UNC13D: variants seen among roughly 807,000 people sequenced by gnomAD.
The protein encoded by UNC13D is unc-13 homolog D.
A neutral mutation model predicts 151.7 loss-of-function variants in UNC13D; 115 were observed. That is an observed-to-expected ratio of 0.76 (90% CI 0.65 to 0.88). UNC13D has a LOEUF of 0.88. UNC13D is among the 40% of genes least tolerant of loss of function. The pLI is 0.00. For missense variants in UNC13D, 1,369 were observed against 1,438.7 expected (o/e 0.95, Z 0.78); for synonymous variants, 588 against 612.2 (o/e 0.96, Z 0.58).
chr17:75,830,707 C>T (rs746503103), intron 27 of UNC13D, 46 bp from the exon 28 acceptor site: 3 of 1,549,446 alleles, frequency 1.9e-6, no homozygotes, highest in Non-Finnish European at 8.7e-7. Context: ...GCACGCCCAA[C>T]CACAGCCCAG....
chr17:75,844,159 C>A, intron 1 of UNC13D, 62 bp downstream of exon 1: 1 of 1,589,238 alleles, frequency 6.3e-7, no homozygotes, highest in Admixed American at 1.7e-5. Context: ...CAGCAGGGCA[C>A]CCGTACCCGA....
At position 75,827,804 on chromosome 17, in the gene UNC13D, G is replaced by C; in HGVS notation, c.*161C>G. On this transcript the variant is annotated 3_prime_UTR_variant, in exon 32 of 32. Transcript: ENST00000207549. ...TCGCTGCTGAGCCCCCATCACCATGGGAGGCAGGGGAGGTCTGCACTCTGG... is the reference window on the plus strand; with the variant it reads ...TCGCTGCTGAGCCCCCATCACCATGCGAGGCAGGGGAGGTCTGCACTCTGG... 4.7e-6 allele frequency: 7 copies of C among 1,483,038 alleles called. No individual in the cohort carries two copies. Among genetic ancestry groups the C allele is most frequent in the Non-Finnish European group, 6.3e-6 (7 of 1,116,000 alleles). The allele number at this position is 1,483,038 out of a possible 1,614,324, so 91.9% of individuals were successfully genotyped here. A position where few individuals can be genotyped will look rare whatever the true frequency, so the allele number is the denominator to read the frequency against.
At chr17:75,835,805 G>A in intron 18 of UNC13D, 28 bp from the exon 19 acceptor site, 1 of 1,613,986 alleles carries the variant, frequency 6.2e-7, no homozygotes, top group Non-Finnish European at 8.5e-7. Flanking sequence ...GGAGGGCGGG[G>A]CCCACAGCTC....
In UNC13D at chr17:75,830,096, C is replaced by G; in HGVS notation, c.2886G>C (p.Glu962Asp). ...LTLEPRHEFP[E>D]LAARETQKHK... Reference sequence around the variant, plus strand: ...GCTTCTGGGTCTCCCGGGCGGCCAGCTCAGGGAACTCATGCCTGGGCTCCA... The same window carrying G: ...GCTTCTGGGTCTCCCGGGCGGCCAGGTCAGGGAACTCATGCCTGGGCTCCA... The change falls in exon 30 of 32, where the codon GAG (glutamate) becomes GAC (aspartate). Residue 962 changes from glutamate to aspartate, a missense_variant. By Grantham distance (45) the Glu-to-Asp change is conservative. Around this residue, in one of 3 missense-constraint regions of UNC13D, gnomAD observed 807 missense variants for 795.5 expected, o/e 1.01. Coordinates refer to ENST00000207549, the MANE Select transcript of UNC13D (RefSeq NM_199242.3). 1 of 1,582,464 alleles carries G rather than the reference C, an allele frequency of 6.3e-7. No individual in the cohort carries two copies.
intron 5 of UNC13D, 72 bp from the exon 6 acceptor site, chr17:75,842,685 C>G (rs989259060): frequency 4.4e-6 from 7 of 1,605,554 alleles, no homozygotes; most frequent in Non-Finnish European, 5.1e-6. Flanking sequence ...TCATCACCCC[C>G]GCCCGGGGCT....
intron 20 of UNC13D, 86 bp from the exon 21 acceptor site, chr17:75,835,149 G>C (rs2064898595): frequency 1.3e-6 from 2 of 1,573,988 alleles, no homozygotes; most frequent in African/African-American, 2.7e-5. Flanking sequence ...ACCATCACCA[G>C]GCACAGAGCT....
chr17:75,832,922 AG>A lies in UNC13D; in HGVS notation c.2447+43del. The A allele has an allele frequency of 6.5e-7, 1 of 1,535,626 alleles. No homozygotes were observed. The highest frequency in any genetic ancestry group is 1.2e-5 in the South Asian group (1 of 84,046). On this transcript the variant is annotated intron_variant, in intron 25 of 31. Coordinates refer to ENST00000207549, the MANE Select transcript of UNC13D (RefSeq NM_199242.3). This position sits in a 1 kb window ranked among gnomAD's most constrained non-coding sequence, Gnocchi z 4.3. ...CAGGAAGGAGGGGCCGTGGGAGGAGAGGGGGAGGTGGCGAGCGCGCCCAGGG... is the reference window on the plus strand; with the variant it reads ...CAGGAAGGAGGGGCCGTGGGAGGAGAGGGGAGGTGGCGAGCGCGCCCAGGG...
At chr17:75,841,932 A>G (rs1178871731) in intron 6 of UNC13D, among the ~76,000 whole-genome samples, 2 of 151,778 alleles carry the variant, frequency 1.3e-5, no homozygotes, top group African/African-American at 4.8e-5. Context: ...GTATTTTAGT[A>G]GAGACGGGGT....
Position 75,843,550 on chromosome 17 carries a change from G to A in UNC13D, c.118-31C>T, listed in dbSNP as rs200132817. On this transcript the variant is annotated intron_variant, in intron 1 of 31. Coordinates refer to ENST00000207549, the MANE Select transcript of UNC13D (RefSeq NM_199242.3). ...GAGCAAGGTGGAAAGGCAGTGTCCC[G>A]GGAGGCCCAGAGCAGGCTCAGATGG... is the stretch of plus-strand genomic sequence containing the variant. The A allele has an allele frequency of 1.0e-3, 1,603 of 1,607,994 alleles. 15 individuals carry two copies. In the Middle Eastern group the frequency reaches 0.026, roughly 26 times the overall value.
At position 75,831,417 on chromosome 17, in the gene UNC13D, T is replaced by C. The variant is rs546407571; in HGVS notation, c.2448-69A>G. On this transcript the variant is annotated intron_variant, in intron 25 of 31. Coordinates refer to ENST00000207549, the MANE Select transcript of UNC13D (RefSeq NM_199242.3). Reference sequence around the variant, plus strand: ...GTGGCGGAGGAGGAAGCAAAGACGCTCTTGAGAAAGGGGCGGCCTCAGTGA... The same window carrying C: ...GTGGCGGAGGAGGAAGCAAAGACGCCCTTGAGAAAGGGGCGGCCTCAGTGA... 40 of 1,456,848 alleles carry C rather than the reference T, an allele frequency of 2.7e-5. No homozygotes were observed. In the Middle Eastern group the frequency reaches 1.7e-3, roughly 63 times the overall value. 90.2% of individuals were successfully genotyped at this position (1,456,848 alleles called of 1,614,324 possible).
rs745855631 is a variant in UNC13D, at chr17:75,835,542, G to A, written c.1728-13C>T. ...CAGGACTCCATCCCTGGGGATTGCC[G>A]GGGCTCAGCGTCGGGAAGGCTGGGG... On this transcript the variant is annotated splice_polypyrimidine_tract_variant and intron_variant, in intron 19 of 31. Transcript: ENST00000207549. 9.9e-5 allele frequency: 158 copies of A among 1,599,878 alleles called. 3 individuals carry two copies. The South Asian group carries it at 1.1e-3, about 11-fold the overall frequency.
chr17:75,835,642 C>A lies in UNC13D; in HGVS notation c.1727+5G>T. On this transcript the variant is annotated splice_donor_5th_base_variant and intron_variant, in intron 19 of 31. Transcript: ENST00000207549. ...GCAGCCGCCCACAATTGGCCTGCTG[C>A]CCACCTCTCTGAGGAGCTCATGCGC... is the stretch of plus-strand genomic sequence containing the variant. The A allele has an allele frequency of 6.2e-7, 1 of 1,613,242 alleles. No individual in the cohort carries two copies.
chr17:75,836,134 C>A, intron 16 of UNC13D, 25 bp from the exon 17 acceptor site: 7 of 1,612,688 alleles, frequency 4.3e-6, no homozygotes, highest in Non-Finnish European at 5.9e-6. Flanking sequence ...GTGGGCTGGG[C>A]AGGGCTGCCA....
Position 75,833,146 on chromosome 17 carries a change from T to C in UNC13D, c.2368-101A>G, listed in dbSNP as rs1475634696. The C allele has an allele frequency of 4.1e-6, 5 of 1,205,802 alleles. No individual in the cohort carries two copies. Among genetic ancestry groups the C allele is most frequent in the Non-Finnish European group, 5.9e-6 (5 of 840,800 alleles). The allele number at this position is 1,205,802 out of a possible 1,614,324, so 74.7% of individuals were successfully genotyped here. On this transcript the variant is annotated intron_variant, in intron 24 of 31. Coordinates refer to ENST00000207549, the MANE Select transcript of UNC13D (RefSeq NM_199242.3). This position sits in a 1 kb window ranked among gnomAD's most constrained non-coding sequence, Gnocchi z 4.0. Reference sequence around the variant, plus strand: ...AGGGAGGAAACAGGGCTGGGAACCGTTCTGTGAGAGCAGTTTGTAGTGTCT... The same window carrying C: ...AGGGAGGAAACAGGGCTGGGAACCGCTCTGTGAGAGCAGTTTGTAGTGTCT...
chr17:75,828,935 G>T lies in UNC13D; in HGVS notation c.3003C>A (p.Leu1001=), dbSNP rs1282273933. 1 of 1,606,560 alleles carries T rather than the reference G, an allele frequency of 6.2e-7. No individual in the cohort carries two copies. The highest frequency in any genetic ancestry group is 8.5e-7 in the Non-Finnish European group (1 of 1,179,752). ...CCAGCGTGTCGTAGTCCAGCACGGT[G>T]AGCAGGAGGCATGCCCCAGCCTTGC... ...PCRKAGACLL[L]TVLDYDTLGA... The change falls in exon 31 of 32, where the codon CTC becomes CTA. Residue 1001 remains leucine (L), a synonymous_variant. Transcript: ENST00000207549.
Position 75,832,992 on chromosome 17 carries a change from G to A in UNC13D, c.2421C>T (p.Thr807=), listed in dbSNP as rs1333852596. ...TGCTGAAGTTCTCCTGCACCAAGTT[G>A]GTGTTCATGTAGCAAAGCTCCACCT... ...FLEVELCYMN[T]NLVQENFSSL... is the part of the protein sequence containing the mutation. Residue 807 remains threonine (T), a synonymous_variant, in exon 25 of 32, where the codon ACC becomes ACT. Coordinates refer to ENST00000207549, the MANE Select transcript of UNC13D (RefSeq NM_199242.3). The surrounding 1 kb of genome is among the most constrained non-coding windows in gnomAD (Gnocchi z 4.3). 68 of 1,598,340 alleles carry A rather than the reference G, an allele frequency of 4.3e-5. No individual in the cohort carries two copies. The highest frequency in any genetic ancestry group is 5.6e-5 in the Non-Finnish European group (66 of 1,173,598).
intron 20 of UNC13D, 44 bp downstream of exon 20, chr17:75,835,364 AC>A: frequency 1.2e-6 from 2 of 1,601,102 alleles, no homozygotes; most frequent in African/African-American, 1.3e-5. Context: ...CCCAAGCCTC[AC>A]CCCCAAACCG....
At chr17:75,841,135 CTTTTTTTTTTTT>C (rs34691954) in intron 6 of UNC13D, 134 bp from the exon 7 acceptor site, 34 of 307,462 alleles carry the variant, frequency 1.1e-4, no homozygotes, top group Non-Finnish European at 1.5e-4. Context: ...AGCCGCATCC[CTTTTTTTTTTTT>C]TTTTTTTTTT....
rs375153464 is a variant in UNC13D, at chr17:75,828,876, G to A, written c.3062C>T (p.Pro1021Leu). 4.4e-5 allele frequency: 71 copies of A among 1,602,156 alleles called. No homozygotes were observed. Among genetic ancestry groups the A allele is most frequent in the Non-Finnish European group, 5.9e-5 (69 of 1,177,460 alleles). The stretch of plus-strand genomic sequence containing the variant: ...ACTCAGCCCGGGCACCTCACGCAGC[G>A]GCAGGAAGGCCTCGCCTTCCAGGTC... ...ADDLEGEAFLPLREVPGLSGS... is the reference protein window; with the variant it reads ...ADDLEGEAFLLLREVPGLSGS... Residue 1021 changes from proline to leucine, a missense_variant, in exon 31 of 32, where the codon CCG becomes CTG. Physicochemically the swap from Pro to Leu is moderately conservative, Grantham distance 98 (BLOSUM62 -3). Coordinates refer to ENST00000207549, the MANE Select transcript of UNC13D (RefSeq NM_199242.3).
Sources: gnomAD v4.1 joint callset for allele counts (sites outside exome capture counted in the v4.1 genomes callset) on GRCh38, gnomAD v4.1.1 for gene constraint, gnomAD v4.1.1 regional missense constraint, Gnocchi (gnomAD v3.1) non-coding constraint, MANE v1.5 for transcripts, NCBI Gene and HGNC (gene_info 2026-07-23, HGNC 2026-07-21) for gene names.